The following MYT1L variants were observed in gnomAD, a reference collection of about 807,000 sequenced individuals.
The protein encoded by MYT1L is myelin transcription factor 1-like protein.
In MYT1L, 12 loss-of-function variants were observed where a neutral mutation model predicts 126.7. The ratio of observed to expected loss-of-function variants is 0.09; its 90% CI spans 0.06 to 0.15. The LOEUF is 0.15. Ranked by LOEUF, MYT1L falls within the 10% of genes least tolerant of loss-of-function variation. The pLI is 1.00. For synonymous variants in MYT1L, 541 were observed against 604.2 expected, an observed-to-expected ratio of 0.90 and a Z score of 1.53; for missense variants, 979 against 1,585.2, an observed-to-expected ratio of 0.62 and a Z score of 6.49.
At chr2:2,053,376 T>C (rs1312915889) in intron 4 of MYT1L, among the ~76,000 whole-genome samples, 2 of 152,184 alleles carry the variant, frequency 1.3e-5, no homozygotes, top group African/African-American at 2.4e-5. Context: ...ATATCACTAA[T>C]TGCACATTTG....
At chr2:2,225,108 G>GT (rs879360021) in intron 2 of MYT1L, among the ~76,000 whole-genome samples, 5,554 of 146,632 alleles carry the variant, frequency 0.038, 124 homozygotes, top group African/African-American at 0.058. Context: ...CTGTTTAAAG[G>GT]TTTTTTTTTT....
At chr2:1,805,848 T>C (rs1333662439) in intron 22 of MYT1L, among the ~76,000 whole-genome samples, 2 of 152,220 alleles carry the variant, frequency 1.3e-5, no homozygotes, top group African/African-American at 2.4e-5. Flanking sequence ...ATGGTGCTAC[T>C]GCTCTCCAGC....
rs967515624 is a variant in MYT1L, at chr2:2,167,400, C to T, written c.-304+5472G>A. 2.0e-5 allele frequency among the ~76,000 whole-genome samples: 3 copies of T among 152,308 alleles called. No individual in the cohort carries two copies. In the South Asian group the frequency reaches 6.2e-4, roughly 32 times the overall value. On this transcript the variant is annotated intron_variant, in intron 3 of 24. Transcript: ENST00000647738. ...CCTTCACCTTCTTCAAACCAAATAC[C>T]TCTGTCTTCCTGGAGACCCTGAACA... is the stretch of plus-strand genomic sequence containing the variant.
At chr2:2,016,616 G>T (rs969396127) in intron 4 of MYT1L, among the ~76,000 whole-genome samples, 1 of 152,150 alleles carries the variant, frequency 6.6e-6, no homozygotes, top group African/African-American at 2.4e-5. Flanking sequence ...GCTTCTGTGG[G>T]AACTGGGGAA....
At chr2:1,834,051 A>G (rs1161960850) in intron 21 of MYT1L, among the ~76,000 whole-genome samples, 2 of 152,218 alleles carry the variant, frequency 1.3e-5, no homozygotes, top group African/African-American at 4.8e-5. Context: ...TACTGTTTCT[A>G]TTTTGGCACC....
chr2:2,105,002 T>G (rs1428929466), intron 3 of MYT1L, among the ~76,000 whole-genome samples: 1 of 152,172 alleles, frequency 6.6e-6, no homozygotes. Flanking sequence ...AAATAATAGA[T>G]TGGATCATAG....
chr2:2,143,174 C>T (rs1387477028), intron 3 of MYT1L, among the ~76,000 whole-genome samples: 2 of 151,248 alleles, frequency 1.3e-5, no homozygotes, highest in African/African-American at 2.4e-5. Context: ...CCTGTAGTCC[C>T]AGCTACTCGG....
intron 3 of MYT1L, among the ~76,000 whole-genome samples, chr2:2,089,174 C>G (rs1308220169): frequency 6.6e-6 from 1 of 152,138 alleles, no homozygotes; most frequent in Non-Finnish European, 1.5e-5. Context: ...ATAAGAGGGT[C>G]AGGTCTAAAG....
At chr2:1,850,455 A>G (rs950632532) in intron 19 of MYT1L, among the ~76,000 whole-genome samples, 7 of 152,146 alleles carry the variant, frequency 4.6e-5, no homozygotes, top group African/African-American at 1.2e-4. Flanking sequence ...TTTCAGAAAC[A>G]TTCTTGTCTT....
intron 2 of MYT1L, among the ~76,000 whole-genome samples, chr2:2,190,845 G>T (rs1395075428): frequency 6.6e-6 from 1 of 152,204 alleles, no homozygotes; most frequent in African/African-American, 2.4e-5. Context: ...GAGTGCAGTG[G>T]CACAATCTTG....
chr2:1,969,800 CAG>C (rs1354319336), intron 8 of MYT1L, among the ~76,000 whole-genome samples: 1 of 152,192 alleles, frequency 6.6e-6, no homozygotes, highest in African/African-American at 2.4e-5. Flanking sequence ...TCTCCCACAA[CAG>C]AGGTGAACAC....
At chr2:2,235,298 GGTGTGTGTAGAGGT>G (rs2094262436) in intron 2 of MYT1L, among the ~76,000 whole-genome samples, 1 of 150,978 alleles carries the variant, frequency 6.6e-6, no homozygotes, top group Non-Finnish European at 1.5e-5. Flanking sequence ...CCCTTAGAGG[GGTGTGTGTAGAGGT>G]GTGTGTGTAG....
intron 18 of MYT1L, among the ~76,000 whole-genome samples, chr2:1,874,190 CTTTT>C (rs5828881): frequency 6.8e-6 from 1 of 148,028 alleles, no homozygotes; most frequent in Non-Finnish European, 1.5e-5. Context: ...AGGAAACGCT[CTTTT>C]TTTTTTTTCC....
At chr2:2,062,116 T>G (rs115690505) in intron 3 of MYT1L, among the ~76,000 whole-genome samples, 2,912 of 152,336 alleles carry the variant, frequency 0.019, 96 homozygotes, top group African/African-American at 0.066. Context: ...TTCTCACAGT[T>G]TCTGCCCCCA....
chr2:2,237,376 G>A (rs1397388259), intron 2 of MYT1L, among the ~76,000 whole-genome samples: 3 of 152,148 alleles, frequency 2.0e-5, no homozygotes, highest in South Asian at 2.1e-4. Flanking sequence ...ACCAGGGCAG[G>A]AGAAAAGGCC....
At chr2:2,062,095 C>T (rs768814152) in intron 3 of MYT1L, among the ~76,000 whole-genome samples, 4 of 152,230 alleles carry the variant, frequency 2.6e-5, no homozygotes, top group Non-Finnish European at 4.4e-5. Context: ...ATGCGCTCCA[C>T]GCCCAAGCCC....
intron 2 of MYT1L, among the ~76,000 whole-genome samples, chr2:2,215,409 A>T (rs183960829): frequency 1.4e-4 from 22 of 152,344 alleles, no homozygotes; most frequent in African/African-American, 5.3e-4. Flanking sequence ...TTAATAACAG[A>T]CAAGGAAGCT....
chr2:2,112,446 GAA>G (rs951480066), intron 3 of MYT1L, among the ~76,000 whole-genome samples: 3 of 152,144 alleles, frequency 2.0e-5, no homozygotes, highest in African/African-American at 7.2e-5. Context: ...TAAATTCAAA[GAA>G]AAAGAGTTAA....
At chr2:2,120,617 A>T (rs2080862441) in intron 3 of MYT1L, among the ~76,000 whole-genome samples, 1 of 151,912 alleles carries the variant, frequency 6.6e-6, no homozygotes, top group Admixed American at 6.6e-5. Flanking sequence ...AGCTAAGGGG[A>T]GTCATGCTCT....
Sources: allele counts gnomAD v4.1 joint callset (sites outside exome capture counted in the v4.1 genomes callset), GRCh38; gene constraint gnomAD v4.1.1; transcripts MANE v1.5; gene names NCBI Gene and HGNC (gene_info 2026-07-23, HGNC 2026-07-21).